WDFY3: variants seen among roughly 807,000 people sequenced by gnomAD.
WDFY3 encodes WD repeat and FYVE domain-containing protein 3.
A neutral mutation model predicts 409.6 loss-of-function variants in WDFY3; 66 were observed. The observed-to-expected ratio is 0.16, with a 90% CI of 0.13 to 0.20. The LOEUF is 0.20. Among genes scored for constraint, WDFY3 ranks in the 10% least tolerant of loss-of-function variants. The probability of loss-of-function intolerance (pLI) is 1.00; values close to 1 mark genes in which losing one functional copy is unlikely to be tolerated. For synonymous variants in WDFY3, 1,521 were observed against 1,537.1 expected, an observed-to-expected ratio of 0.99 and a Z score of 0.25; for missense variants, 3,031 against 4,298.1, an observed-to-expected ratio of 0.71 and a Z score of 8.24.
intron 22 of WDFY3, 68 bp from the exon 23 acceptor site, chr4:84,787,781 A>G (rs1465701678): frequency 2.2e-6 from 3 of 1,341,848 alleles, no homozygotes; most frequent in East Asian, 2.5e-5. Context: ...CTACTTCAGC[A>G]TATGTATTTT....
intron 2 of WDFY3, among the ~76,000 whole-genome samples, chr4:84,906,672 T>G (rs1767083331): frequency 6.6e-6 from 1 of 152,182 alleles, no homozygotes; most frequent in South Asian, 2.1e-4. Context: ...TAAATCATGC[T>G]TGTACAACCT....
At chr4:84,806,135 G>C (rs1489909247) in intron 15 of WDFY3, among the ~76,000 whole-genome samples, 1 of 152,130 alleles carries the variant, frequency 6.6e-6, no homozygotes, top group African/African-American at 2.4e-5. Context: ...TTTGCTACAA[G>C]AAAAAGATGT....
intron 63 of WDFY3, among the ~76,000 whole-genome samples, chr4:84,683,678 T>C (rs968924018): frequency 2.0e-5 from 3 of 152,162 alleles, no homozygotes; most frequent in African/African-American, 4.8e-5. Context: ...CAGTGTGACA[T>C]GGGAATCATG....
chr4:84,789,960 A>G (rs1014995168), intron 21 of WDFY3, 53 bp from the exon 22 acceptor site: 3 of 1,565,316 alleles, frequency 1.9e-6, no homozygotes, highest in African/African-American at 1.4e-5. Context: ...ATCCCTATTC[A>G]AATTATTCAT....
chr4:84,744,722 G>A (rs1193866255), intron 36 of WDFY3, among the ~76,000 whole-genome samples: 2 of 149,540 alleles, frequency 1.3e-5, no homozygotes, highest in African/African-American at 4.9e-5. Flanking sequence ...GCGTAGTGGC[G>A]GGCGCCTGTA....
At chr4:84,914,546 C>G (rs145083755) in intron 2 of WDFY3, among the ~76,000 whole-genome samples, 226 of 152,234 alleles carry the variant, frequency 1.5e-3, no homozygotes, top group African/African-American at 5.0e-3. Flanking sequence ...CTGAGTTGCT[C>G]AAGGGTCAAC....
At chr4:84,809,866 G>C (rs2149725566) in intron 14 of WDFY3, 21 bp downstream of exon 14, 1 of 1,604,028 alleles carries the variant, frequency 6.2e-7, no homozygotes, top group Non-Finnish European at 8.5e-7. Flanking sequence ...CTTTAATTCA[G>C]AGGACAGAGC....
chr4:84,794,466 T>A (rs956677723), intron 21 of WDFY3, 53 bp downstream of exon 21: 1 of 1,485,458 alleles, frequency 6.7e-7, no homozygotes, highest in Admixed American at 2.1e-5. Flanking sequence ...AATACAAAAA[T>A]GAAGTTTTAA....
At chr4:84,965,793 G>A (rs901400777) in intron 1 of WDFY3, 1 of 152,504 alleles carries the variant, frequency 6.6e-6, no homozygotes, top group East Asian at 1.9e-4. Flanking sequence ...GCAGCGGGGG[G>A]GGGCCAGGGC....
chr4:84,917,465 T>A (rs528607461), intron 2 of WDFY3, among the ~76,000 whole-genome samples: 1 of 152,320 alleles, frequency 6.6e-6, no homozygotes, highest in South Asian at 2.1e-4. Flanking sequence ...TTTATGGATA[T>A]CTGAAATTTT....
At chr4:84,714,828 C>T (rs1318236570) in intron 50 of WDFY3, among the ~76,000 whole-genome samples, 2 of 151,412 alleles carry the variant, frequency 1.3e-5, no homozygotes, top group Middle Eastern at 3.2e-3. Context: ...CGGGTGCCTG[C>T]AGTTCCAGCT....
At chr4:84,755,850 T>C (rs1741345658) in intron 33 of WDFY3, among the ~76,000 whole-genome samples, 1 of 152,224 alleles carries the variant, frequency 6.6e-6, no homozygotes, top group Non-Finnish European at 1.5e-5. Context: ...GACTTATTAA[T>C]AGCAGTTTTA....
rs755731901 is a variant in WDFY3 at position 84,785,962 on chromosome 4, G to T, written c.4062+17C>A. ...GTGAGAATCAGCCATAGTACACCAA[G>T]AAATCATTCTGCTTACCTGCTTAGC... On this transcript the variant is annotated intron_variant, in intron 24 of 67. Coordinates refer to ENST00000295888, the MANE Select transcript of WDFY3 (RefSeq NM_014991.6). 6.2e-7 allele frequency: 1 copy of T among 1,613,098 alleles called. No individual in the cohort carries two copies. The highest frequency in any genetic ancestry group is 1.1e-5 in the South Asian group (1 of 90,936).
rs544634045 is a variant in WDFY3 at position 84,797,328 on chromosome 4, A to G, written c.2936-576T>C. ...TATTTATAAAAAGGGTAACAATTTCAAGAATAAAAAGACAAATTCTAAACA... is the reference window on the plus strand; with the variant it reads ...TATTTATAAAAAGGGTAACAATTTCGAGAATAAAAAGACAAATTCTAAACA... On this transcript the variant is annotated intron_variant, in intron 18 of 67. Coordinates refer to ENST00000295888, the MANE Select transcript of WDFY3 (RefSeq NM_014991.6). 1.8e-4 allele frequency among the ~76,000 whole-genome samples: 27 copies of G among 152,224 alleles called. No homozygotes were observed. The South Asian group carries it at 5.2e-3, about 29-fold the overall frequency.
At chr4:84,736,842 C>T (rs1006451989) in intron 41 of WDFY3, among the ~76,000 whole-genome samples, 16 of 151,920 alleles carry the variant, frequency 1.1e-4, no homozygotes, top group Admixed American at 8.5e-4. Flanking sequence ...AGTTTTGGCA[C>T]CAAATTAATG....
At position 84,821,452 on chromosome 4, in the gene WDFY3, G is replaced by A. The variant is rs1237512278; in HGVS notation, c.1223C>T (p.Thr408Ile). ...GGCATTGTCAGCCATGTAAATATTT[G>A]TGATAGCATCAAGGATGATTTGGGC... ...FLAQIILDAI[T>I]NIYMADNANY... Residue 408 changes from threonine (T) to isoleucine (I), a missense_variant, in exon 11 of 68, where the codon ACA (threonine) becomes ATA (isoleucine). Around this residue, in one of 16 missense-constraint regions of WDFY3, gnomAD observed 1,322 missense variants for 1,697.9 expected, o/e 0.78. Coordinates refer to ENST00000295888, the MANE Select transcript of WDFY3 (RefSeq NM_014991.6). 1.9e-6 allele frequency: 3 copies of A among 1,613,874 alleles called. No individual in the cohort carries two copies. Among genetic ancestry groups the A allele is most frequent in the South Asian group, 1.1e-5 (1 of 91,088 alleles).
intron 37 of WDFY3, among the ~76,000 whole-genome samples, chr4:84,742,286 A>G (rs1738569701): frequency 6.6e-6 from 1 of 152,222 alleles, no homozygotes; most frequent in South Asian, 2.1e-4. Context: ...AATAAAGGGT[A>G]AAACTGTGAA....
intron 45 of WDFY3, among the ~76,000 whole-genome samples, chr4:84,726,437 AT>A (rs745528708): frequency 1.3e-5 from 2 of 152,194 alleles, no homozygotes; most frequent in Non-Finnish European, 2.9e-5. Context: ...ATTGAAAAAA[AT>A]AATTTTAAAA....
chr4:84,881,947 T>C (rs899637775), intron 3 of WDFY3, among the ~76,000 whole-genome samples: 5 of 152,170 alleles, frequency 3.3e-5, no homozygotes, highest in African/African-American at 1.2e-4. Flanking sequence ...TTTTAAAGTA[T>C]GTACATTCGT....
Sources: allele counts gnomAD v4.1 joint callset (sites outside exome capture counted in the v4.1 genomes callset), GRCh38; gene constraint gnomAD v4.1.1; regional missense constraint gnomAD v4.1.1; transcripts MANE v1.5; gene names NCBI Gene and HGNC (gene_info 2026-07-23, HGNC 2026-07-21).